Variants in CHIC2 observed in about 807,000 individuals in gnomAD.
CHIC2 encodes cysteine-rich hydrophobic domain-containing protein 2.
CHIC2 carries 14 observed loss-of-function variants against 25.9 expected under a neutral mutation model. The ratio of observed to expected loss-of-function variants is 0.54; its 90% CI spans 0.36 to 0.85. The LOEUF (loss-of-function observed/expected upper bound fraction) is 0.85. CHIC2 is among the 40% of genes least tolerant of loss of function. The probability of loss-of-function intolerance (pLI) is 0.01; values close to 1 mark genes in which losing one functional copy is unlikely to be tolerated. For missense variants in CHIC2, 146 were observed against 202.0 expected (o/e 0.72, Z 1.68); for synonymous variants, 70 against 72.0 (o/e 0.97, Z 0.14).
At chr4:54,080,347 C>A in the CHIC2 span, among the ~76,000 whole-genome samples, 2 of 151,998 alleles carry the variant, frequency 1.3e-5, no homozygotes, top group Non-Finnish European at 1.5e-5. Flanking sequence ...AAATTGAACT[C>A]ACAGAGGCAG....
At chr4:54,036,899 C>T (rs1716404537) in intron 3 of CHIC2, among the ~76,000 whole-genome samples, 1 of 150,872 alleles carries the variant, frequency 6.6e-6, no homozygotes, top group Admixed American at 6.6e-5. Context: ...CCCAAAAAGA[C>T]CTGAACAAGA....
chr4:54,083,018 CTTTTTTT>C, the CHIC2 span, among the ~76,000 whole-genome samples: 215 of 67,912 alleles, frequency 3.2e-3, no homozygotes, highest in Non-Finnish European at 4.4e-3. Context: ...TTCTTTCTTT[CTTTTTTT>C]TTTTTTTTTT....
chr4:54,025,369 C>T (rs1051955711), intron 3 of CHIC2, among the ~76,000 whole-genome samples: 4 of 152,126 alleles, frequency 2.6e-5, no homozygotes, highest in African/African-American at 9.7e-5. Flanking sequence ...CCCCCGCCCA[C>T]AAAACATTGC....
chr4:54,078,678 G>A, the CHIC2 span, among the ~76,000 whole-genome samples: 35 of 151,762 alleles, frequency 2.3e-4, no homozygotes, highest in African/African-American at 8.0e-4. Context: ...ACCACACCCC[G>A]TTAATTTTGT....
At chr4:54,086,572 C>G in the CHIC2 span, among the ~76,000 whole-genome samples, 1 of 152,032 alleles carries the variant, frequency 6.6e-6, no homozygotes, top group African/African-American at 2.4e-5. Context: ...TATTATGTAG[C>G]ATATAGTTGG....
At chr4:54,073,023 G>A in the CHIC2 span, among the ~76,000 whole-genome samples, 3 of 151,950 alleles carry the variant, frequency 2.0e-5, no homozygotes, top group Non-Finnish European at 4.4e-5. Context: ...AGCCGAGATC[G>A]TGCCACTGCA....
chr4:54,046,204 T>C (rs1018199573), intron 3 of CHIC2, among the ~76,000 whole-genome samples: 4 of 152,154 alleles, frequency 2.6e-5, no homozygotes, highest in African/African-American at 9.7e-5. Context: ...AGAATCAATA[T>C]TGTGAAAATG....
intron 3 of CHIC2, among the ~76,000 whole-genome samples, chr4:54,019,181 C>T (rs1182694089): frequency 6.6e-6 from 1 of 151,396 alleles, no homozygotes; most frequent in African/African-American, 2.4e-5. Context: ...CAGTGATGTG[C>T]AGAAAATTAA....
chr4:54,032,925 T>C (rs1011948735), intron 3 of CHIC2, among the ~76,000 whole-genome samples: 4 of 152,176 alleles, frequency 2.6e-5, no homozygotes, highest in African/African-American at 4.8e-5. Flanking sequence ...TGGAAGGTGA[T>C]TGGATCATGG....
the CHIC2 span, among the ~76,000 whole-genome samples, chr4:54,075,076 A>C: frequency 6.6e-6 from 1 of 152,202 alleles, no homozygotes. Flanking sequence ...GTGCCACTGC[A>C]CTCACCTGGG....
Position 54,010,042 on chromosome 4 carries a change from G to A in CHIC2, c.*53C>T. On this transcript the variant is annotated 3_prime_UTR_variant, in exon 6 of 6. Coordinates refer to ENST00000263921, the MANE Select transcript of CHIC2 (RefSeq NM_012110.4). ...TCACCACCAGGAGAGCACCAAGCAA[G>A]GCACCATTGGAAAGACAACATACTT... The A allele has an allele frequency of 8.1e-7, 1 of 1,233,626 alleles. No homozygotes were observed. Among genetic ancestry groups the A allele is most frequent in the Non-Finnish European group, 1.2e-6 (1 of 844,724 alleles). The allele number at this position is 1,233,626 out of a possible 1,614,324, so 76.4% of individuals were successfully genotyped here. A position where few individuals can be genotyped will look rare whatever the true frequency, so the allele number is the denominator to read the frequency against.
At chr4:54,071,859 A>G in the CHIC2 span, among the ~76,000 whole-genome samples, 1 of 152,082 alleles carries the variant, frequency 6.6e-6, no homozygotes, top group Admixed American at 6.6e-5. Flanking sequence ...CATATTTTCC[A>G]GATCATTTCA....
intron 3 of CHIC2, among the ~76,000 whole-genome samples, chr4:54,043,862 C>T (rs1282413078): frequency 1.3e-5 from 2 of 152,114 alleles, no homozygotes; most frequent in African/African-American, 4.8e-5. Context: ...GACTGGCAAA[C>T]TGGATGAAGA....
chr4:54,065,334 T>C (rs1235195872), upstream of CHIC2: 1 of 984,758 alleles, frequency 1.0e-6, no homozygotes, highest in East Asian at 1.1e-4. Context: ...TGCAGTTTCT[T>C]GCCCCAACTC....
At chr4:54,044,383 C>G (rs879698106) in intron 3 of CHIC2, among the ~76,000 whole-genome samples, 1 of 152,170 alleles carries the variant, frequency 6.6e-6, no homozygotes, top group Non-Finnish European at 1.5e-5. Flanking sequence ...TATTCCAAAA[C>G]TGACCACATA....
the CHIC2 span, among the ~76,000 whole-genome samples, chr4:54,085,082 T>G: frequency 6.6e-6 from 1 of 152,012 alleles, no homozygotes. Flanking sequence ...AAGTGCTATA[T>G]TTTCCCCACT....
chr4:54,061,329 C>A (rs961311073), intron 1 of CHIC2: 1 of 152,054 alleles, frequency 6.6e-6, no homozygotes, highest in East Asian at 1.9e-4. Flanking sequence ...AACAGTAATA[C>A]TGTAATATAT....
At chr4:54,022,393 T>A (rs554925648) in intron 3 of CHIC2, among the ~76,000 whole-genome samples, 11 of 152,146 alleles carry the variant, frequency 7.2e-5, no homozygotes, top group African/African-American at 2.4e-4. Context: ...GGCTACCCAC[T>A]CCACATTACC....
intron 3 of CHIC2, among the ~76,000 whole-genome samples, chr4:54,031,908 C>T (rs370506771): frequency 6.6e-6 from 1 of 152,134 alleles, no homozygotes; most frequent in East Asian, 1.9e-4. Flanking sequence ...GAGTGAGCCA[C>T]AGTGCCCAGC....
Sources: allele counts gnomAD v4.1 joint callset (sites outside exome capture counted in the v4.1 genomes callset), GRCh38; gene constraint gnomAD v4.1.1; transcripts MANE v1.5; gene names NCBI Gene and HGNC (gene_info 2026-07-23, HGNC 2026-07-21).